Variants in DENND5B observed in about 807,000 individuals in gnomAD.
DENND5B encodes DENN domain-containing protein 5B.
DENND5B carries 34 observed loss-of-function variants against 140.6 expected under a neutral mutation model. That is an observed-to-expected ratio of 0.24 (90% CI 0.18 to 0.32). The LOEUF is 0.32. Among genes scored for constraint, DENND5B ranks in the 10% least tolerant of loss-of-function variants. The pLI, the probability that DENND5B is intolerant of heterozygous loss-of-function variation, is 1.00. For synonymous variants in DENND5B, 551 were observed against 562.1 expected, an observed-to-expected ratio of 0.98 and a Z score of 0.28; for missense variants, 1,142 against 1,560.2, an observed-to-expected ratio of 0.73 and a Z score of 4.52.
chr12:31,575,845 A>C (rs1350829938), intron 1 of DENND5B, among the ~76,000 whole-genome samples: 1 of 152,152 alleles, frequency 6.6e-6, no homozygotes, highest in Non-Finnish European at 1.5e-5. Context: ...ACATGCCTGT[A>C]ATATCAGCTA....
At chr12:31,571,734 C>T (rs777207552) in intron 1 of DENND5B, among the ~76,000 whole-genome samples, 7 of 152,172 alleles carry the variant, frequency 4.6e-5, no homozygotes, top group Non-Finnish European at 8.8e-5. Flanking sequence ...TCTCCTGCCT[C>T]AACCTCCTGA....
At chr12:31,526,538 T>G (rs1948090187) in intron 1 of DENND5B, among the ~76,000 whole-genome samples, 1 of 152,136 alleles carries the variant, frequency 6.6e-6, no homozygotes, top group African/African-American at 2.4e-5. Flanking sequence ...CATAAATAAA[T>G]AAAAGAAATA....
chr12:31,590,664 C>T, intron 1 of DENND5B, 42 bp downstream of exon 1: 1 of 1,425,754 alleles, frequency 7.0e-7, no homozygotes, highest in Non-Finnish European at 9.1e-7. Context: ...GCGTCCCCCG[C>T]GCCCCTGAGG....
At chr12:31,524,934 T>C (rs1948034497) in intron 1 of DENND5B, among the ~76,000 whole-genome samples, 1 of 152,084 alleles carries the variant, frequency 6.6e-6, no homozygotes, top group African/African-American at 2.4e-5. Context: ...ACTAAAATGA[T>C]ACACCTCATG....
chr12:31,445,546 A>G (rs752114036), intron 6 of DENND5B, among the ~76,000 whole-genome samples: 1 of 152,168 alleles, frequency 6.6e-6, no homozygotes, highest in East Asian at 1.9e-4. Flanking sequence ...TCTACCAAAA[A>G]TACAAAAAAT....
chr12:31,576,228 G>A (rs952794737), intron 1 of DENND5B, among the ~76,000 whole-genome samples: 10 of 151,862 alleles, frequency 6.6e-5, no homozygotes, highest in African/African-American at 2.4e-4. Flanking sequence ...AAGGTGAGTG[G>A]ATCATTTGAG....
Position 31,460,225 on chromosome 12 carries a change from G to A in DENND5B, c.1061C>T (p.Thr354Ile). ...YLMGLQSKEG[T>I]DRSKLELPQE... ...AGGAAGTTCTAGTTTAGAACGGTCA[G>A]TTCCTTCTTTTGACTGAAGGCCCAT... The change falls in exon 4 of 21, where the codon ACT (threonine) becomes ATT (isoleucine). Residue 354 changes from threonine to isoleucine, a missense_variant. Around this residue, in one of 5 missense-constraint regions of DENND5B, gnomAD observed 708 missense variants for 905.5 expected, o/e 0.78. Transcript: ENST00000389082. 1 of 1,613,642 alleles carries A rather than the reference G, an allele frequency of 6.2e-7. No homozygotes were observed. Among genetic ancestry groups the A allele is most frequent in the Non-Finnish European group, 8.5e-7 (1 of 1,179,752 alleles).
chr12:31,469,582 T>C (rs1945446526), intron 3 of DENND5B, among the ~76,000 whole-genome samples: 1 of 151,984 alleles, frequency 6.6e-6, no homozygotes, highest in Non-Finnish European at 1.5e-5. Context: ...ACTTGAGGGG[T>C]TGGGGGATGG....
intron 14 of DENND5B, among the ~76,000 whole-genome samples, chr12:31,408,315 A>G (rs1263042895): frequency 1.3e-5 from 2 of 151,322 alleles, no homozygotes; most frequent in African/African-American, 4.9e-5. Context: ...ACCAAAAACA[A>G]TAACAACAAC....
intron 3 of DENND5B, among the ~76,000 whole-genome samples, chr12:31,462,033 A>C (rs796354953): frequency 1.3e-5 from 2 of 152,326 alleles, no homozygotes; most frequent in African/African-American, 4.8e-5. Flanking sequence ...AGTTTACTTA[A>C]AATTTTCCTT....
intron 3 of DENND5B, among the ~76,000 whole-genome samples, chr12:31,479,246 CAG>C (rs1178138569): frequency 2.0e-5 from 3 of 152,178 alleles, no homozygotes; most frequent in Non-Finnish European, 4.4e-5. Flanking sequence ...CTGGTAGTAA[CAG>C]AGTTCTCTCA....
chr12:31,493,015 T>A (rs988689717), intron 2 of DENND5B, among the ~76,000 whole-genome samples: 1 of 152,224 alleles, frequency 6.6e-6, no homozygotes, highest in Non-Finnish European at 1.5e-5. Context: ...AATAGCACCA[T>A]GCTATCCCCT....
chr12:31,469,376 AG>A (rs917838470), intron 3 of DENND5B, among the ~76,000 whole-genome samples: 5 of 151,394 alleles, frequency 3.3e-5, no homozygotes, highest in African/African-American at 1.2e-4. Context: ...AGAAATATAG[AG>A]GAGCTTCTGG....
intron 17 of DENND5B, among the ~76,000 whole-genome samples, chr12:31,395,187 G>A (rs140571366): frequency 1.3e-5 from 2 of 152,288 alleles, no homozygotes; most frequent in African/African-American, 2.4e-5. Flanking sequence ...TGGGCCAAGC[G>A]TACGGTAAGT....
chr12:31,576,767 C>T (rs1262103601), intron 1 of DENND5B, among the ~76,000 whole-genome samples: 4 of 151,708 alleles, frequency 2.6e-5, no homozygotes, highest in Admixed American at 6.6e-5. Flanking sequence ...GGCGCACAGC[C>T]GTGGTCTCAG....
At chr12:31,487,538 TA>T (rs1946357804) in intron 2 of DENND5B, among the ~76,000 whole-genome samples, 1 of 151,902 alleles carries the variant, frequency 6.6e-6, no homozygotes. Flanking sequence ...CTGCCTCTAC[TA>T]AAAATACAAA....
intron 1 of DENND5B, among the ~76,000 whole-genome samples, chr12:31,548,414 A>G (rs1180796946): frequency 1.3e-5 from 2 of 151,996 alleles, no homozygotes; most frequent in African/African-American, 2.4e-5. Flanking sequence ...AGAAGAAAAA[A>G]AAAAGAATTT....
intron 14 of DENND5B, among the ~76,000 whole-genome samples, chr12:31,408,298 C>CA (rs1942249802): frequency 6.7e-6 from 1 of 149,202 alleles, no homozygotes; most frequent in Non-Finnish European, 1.5e-5. Flanking sequence ...GACACCATCT[C>CA]AAAAAAACCA....
intron 1 of DENND5B, chr12:31,500,502 A>G: frequency 2.6e-6 from 1 of 390,880 alleles, no homozygotes; most frequent in Non-Finnish European, 5.0e-6. Flanking sequence ...CAACATGGTG[A>G]AACCTCATCT....
Sources: gnomAD v4.1 joint callset for allele counts (sites outside exome capture counted in the v4.1 genomes callset) on GRCh38, gnomAD v4.1.1 for gene constraint, gnomAD v4.1.1 regional missense constraint, MANE v1.5 for transcripts, NCBI Gene and HGNC (gene_info 2026-07-23, HGNC 2026-07-21) for gene names.